PCDHGA12: variants seen among roughly 807,000 people sequenced by gnomAD.
PCDHGA12 encodes the protein protocadherin gamma subfamily A, 12.
In PCDHGA12, 43 loss-of-function variants were observed where a neutral mutation model predicts 61.1. That is an observed-to-expected ratio of 0.70 (90% CI 0.55 to 0.91). PCDHGA12 has a LOEUF of 0.91. PCDHGA12 is among the 40% of genes least tolerant of loss of function. PCDHGA12 has a pLI of 0.00. For synonymous variants in PCDHGA12, 520 were observed against 542.9 expected (o/e 0.96, Z 0.59); for missense variants, 1,236 against 1,227.7 (o/e 1.01, Z -0.10).
chr5:141,456,975 A>T (rs1240583336), intron 1 of PCDHGA12, among the ~76,000 whole-genome samples: 1 of 152,178 alleles, frequency 6.6e-6, no homozygotes, highest in East Asian at 1.9e-4. Flanking sequence ...AACAAAACAA[A>T]CAAACAAACA....
At chr5:141,510,845 C>T (rs2099883036) in intron 3 of PCDHGA12, 102 bp from the exon 4 acceptor site, 3 of 1,593,960 alleles carry the variant, frequency 1.9e-6, no homozygotes, top group Non-Finnish European at 2.6e-6. Context: ...TGGTCAAGGC[C>T]CAGGGTGCTG....
In PCDHGA12 at chr5:141,487,000, G is replaced by T. The variant is rs1410493699; in HGVS notation, c.2425-7807G>T. 2 of 1,614,076 alleles carry T rather than the reference G, an allele frequency of 1.2e-6. No homozygotes were observed. Among genetic ancestry groups the T allele is most frequent in the Non-Finnish European group, 1.7e-6 (2 of 1,180,044 alleles). On this transcript the variant is annotated intron_variant, in intron 1 of 3. Coordinates refer to ENST00000252085, the MANE Select transcript of PCDHGA12 (RefSeq NM_003735.3). The surrounding 1 kb of genome is among the most constrained non-coding windows in gnomAD (Gnocchi z 5.0). Reference sequence around the variant, plus strand: ...GTTACAATGCTTGGGTTTCCTATCAGCTCCTGGAGGCCCCAGATCCCAGCC... The same window carrying T: ...GTTACAATGCTTGGGTTTCCTATCATCTCCTGGAGGCCCCAGATCCCAGCC...
intron 2 of PCDHGA12, among the ~76,000 whole-genome samples, chr5:141,496,335 C>G (rs2099768099): frequency 1.3e-5 from 2 of 152,204 alleles, no homozygotes; most frequent in Admixed American, 6.5e-5. Flanking sequence ...AAGTCAGGAG[C>G]CTGGAGGAGT....
At chr5:141,500,436 C>G (rs1318326111) in intron 2 of PCDHGA12, among the ~76,000 whole-genome samples, 2 of 151,836 alleles carry the variant, frequency 1.3e-5, no homozygotes, top group African/African-American at 2.4e-5. Flanking sequence ...GTCTCGATCT[C>G]CTGACCTCGT....
chr5:141,499,932 C>A (rs1169727162), intron 2 of PCDHGA12, among the ~76,000 whole-genome samples: 1 of 152,076 alleles, frequency 6.6e-6, no homozygotes, highest in Non-Finnish European at 1.5e-5. Context: ...AAGTGATCCA[C>A]CCTCCTCGGC....
chr5:141,440,444 C>G (rs2098178389), intron 1 of PCDHGA12: 1 of 152,038 alleles, frequency 6.6e-6, no homozygotes, highest in Admixed American at 6.6e-5. Context: ...AAGGCGCCAT[C>G]TCAAAAAAAA....
rs200757040 is a variant in PCDHGA12, at chr5:141,431,080, C to T, written c.321C>T (p.Asp107=). 3 of 1,614,044 alleles carry T rather than the reference C, an allele frequency of 1.9e-6. No homozygotes were observed. The highest frequency in any genetic ancestry group is 2.5e-6 in the Non-Finnish European group (3 of 1,180,010). ...CCATCAAGTGTCAATTAAATCTAGA[C>T]ATTCTGATGGAGGATAAAGTGAAAA... ...MGAIKCQLNL[D]ILMEDKVKIY... The change falls in exon 1 of 4, where the codon GAC becomes GAT. Residue 107 remains aspartate (D), a synonymous_variant. Coordinates refer to ENST00000252085, the MANE Select transcript of PCDHGA12 (RefSeq NM_003735.3). This position sits in a 1 kb window ranked among gnomAD's most constrained non-coding sequence, Gnocchi z 4.8.
At position 141,485,293 on chromosome 5, in the gene PCDHGA12, G is replaced by A. The variant is rs1356836741; in HGVS notation, c.2425-9514G>A. On this transcript the variant is annotated intron_variant, in intron 1 of 3. Transcript: ENST00000252085. The surrounding 1 kb of genome is among the most constrained non-coding windows in gnomAD (Gnocchi z 5.7). ...GCTACCCGGTCCCAGAGGAGTCACA[G>A]GAAGGGACTTTTGTAGGGAATGTCG... 1 of 1,614,170 alleles carries A rather than the reference G, an allele frequency of 6.2e-7. No individual in the cohort carries two copies.
At position 141,432,325 on chromosome 5, in the gene PCDHGA12, C is replaced by A; in HGVS notation, c.1566C>A (p.Tyr522Ter). 6.2e-7 allele frequency: 1 copy of A among 1,614,260 alleles called. No individual in the cohort carries two copies. The highest frequency in any genetic ancestry group is 1.1e-5 in the South Asian group (1 of 91,092). The change falls in exon 1 of 4, where the codon TAC (tyrosine) becomes TAA (stop). Residue 522 changes from tyrosine to a stop codon, truncating the protein, a stop_gained. Transcript: ENST00000252085. LOFTEE classifies it high-confidence loss of function. The surrounding 1 kb of genome is among the most constrained non-coding windows in gnomAD (Gnocchi z 6.0). The stretch of plus-strand genomic sequence containing the variant: ...TGTATGCGCTGAGCTCCTTCGACTA[C>A]GAGCAGTTCCGAGACTTGCAAGTGA... ...GVLYALSSFD[Y>*]EQFRDLQVKV...
Position 141,487,910 on chromosome 5 carries a change from C to T in PCDHGA12, c.2425-6897C>T, listed in dbSNP as rs2099668803. The T allele has an allele frequency of 3.0e-6, 2 of 661,468 alleles. No individual in the cohort carries two copies. Among genetic ancestry groups the T allele is most frequent in the Non-Finnish European group, 5.1e-6 (2 of 388,904 alleles). The allele number at this position is 661,468 out of a possible 1,614,324, so 41.0% of individuals were successfully genotyped here. ...AGCATGATGATGGAATGTGGGAGCA[C>T]AGGAGGCTACAGTGCACAGGGTACA... On this transcript the variant is annotated intron_variant, in intron 1 of 3. Transcript: ENST00000252085. The surrounding 1 kb of genome is among the most constrained non-coding windows in gnomAD (Gnocchi z 5.0).
In PCDHGA12 at chr5:141,432,613, G is replaced by A. The variant is rs1461837957; in HGVS notation, c.1854G>A (p.Ser618=). 6.2e-7 allele frequency: 1 copy of A among 1,613,946 alleles called. No homozygotes were observed. The highest frequency in any genetic ancestry group is 1.3e-5 in the African/African-American group (1 of 75,056). Residue 618 remains serine, a synonymous_variant, in exon 1 of 4, where the codon TCG becomes TCA. Coordinates refer to ENST00000252085, the MANE Select transcript of PCDHGA12 (RefSeq NM_003735.3). The surrounding 1 kb of genome is among the most constrained non-coding windows in gnomAD (Gnocchi z 6.0). ...AGGCCAGCGAGCCGGGACTCTTCTC[G>A]GTGGGTCTGCACACGGGCGAGGTGC... ...LLKASEPGLF[S]VGLHTGEVRT...
chr5:141,487,771 T>C lies in PCDHGA12; in HGVS notation c.2425-7036T>C. The C allele has an allele frequency of 1.3e-6, 2 of 1,537,446 alleles. No homozygotes were observed. Among genetic ancestry groups the C allele is most frequent in the South Asian group, 2.4e-5 (2 of 82,456 alleles). ...ACTATGTGGTAGACGCTGTGCTTTGTAACTGTTTCGTGAATTAACCAGAGT... is the reference window on the plus strand; with the variant it reads ...ACTATGTGGTAGACGCTGTGCTTTGCAACTGTTTCGTGAATTAACCAGAGT... On this transcript the variant is annotated intron_variant, in intron 1 of 3. Coordinates refer to ENST00000252085, the MANE Select transcript of PCDHGA12 (RefSeq NM_003735.3). This position sits in a 1 kb window ranked among gnomAD's most constrained non-coding sequence, Gnocchi z 5.0.
intron 1 of PCDHGA12, chr5:141,479,399 T>C (rs2099494765): frequency 6.6e-6 from 1 of 152,576 alleles, no homozygotes; most frequent in African/African-American, 2.4e-5. Flanking sequence ...AGTTCTGGGC[T>C]GTGGTGCACT....
chr5:141,454,097 C>T (rs1021353610), intron 1 of PCDHGA12, among the ~76,000 whole-genome samples: 10 of 152,292 alleles, frequency 6.6e-5, no homozygotes, highest in Middle Eastern at 3.4e-3. Flanking sequence ...TTGAATTGAA[C>T]ATAAATGGAG....
chr5:141,488,656 G>A (rs2099678001), intron 1 of PCDHGA12, among the ~76,000 whole-genome samples: 1 of 152,200 alleles, frequency 6.6e-6, no homozygotes, highest in African/African-American at 2.4e-5. Flanking sequence ...ATGGGGGAGG[G>A]TGGGGGAATA....
At chr5:141,510,873 T>A in intron 3 of PCDHGA12, 74 bp from the exon 4 acceptor site, 1 of 1,609,964 alleles carries the variant, frequency 6.2e-7, no homozygotes, top group Non-Finnish European at 8.5e-7. Flanking sequence ...ATTCATTAAC[T>A]GCTGGGGATA....
rs2099701571 is a variant in PCDHGA12, at chr5:141,490,550, A to G, written c.2425-4257A>G. On this transcript the variant is annotated intron_variant, in intron 1 of 3. Coordinates refer to ENST00000252085, the MANE Select transcript of PCDHGA12 (RefSeq NM_003735.3). This position sits in a 1 kb window ranked among gnomAD's most constrained non-coding sequence, Gnocchi z 5.4. ...GCTGGTTCACCTTCCCTACACAAACATCTCACCATCAGGCTCAACATTTCA... is the reference window on the plus strand; with the variant it reads ...GCTGGTTCACCTTCCCTACACAAACGTCTCACCATCAGGCTCAACATTTCA... 1 of 1,614,092 alleles carries G rather than the reference A, an allele frequency of 6.2e-7. No individual in the cohort carries two copies.
chr5:141,432,746 G>T lies in PCDHGA12; in HGVS notation c.1987G>T (p.Ala663Ser), dbSNP rs772043134. The T allele has an allele frequency of 6.2e-7, 1 of 1,614,098 alleles. No individual in the cohort carries two copies. Among genetic ancestry groups the T allele is most frequent in the Non-Finnish European group, 8.5e-7 (1 of 1,179,992 alleles). Reference sequence around the variant, plus strand: ...CTCCGCCACTGTCACGCTCACCGTGGCCGTGGCCGACAGCATCCCCCAAGT... The same window carrying T: ...CTCCGCCACTGTCACGCTCACCGTGTCCGTGGCCGACAGCATCCCCCAAGT... ...PLSATVTLTV[A>S]VADSIPQVLA... The change falls in exon 1 of 4, where the codon GCC becomes TCC. Residue 663 changes from alanine (A) to serine (S), a missense_variant. Transcript: ENST00000252085. This position sits in a 1 kb window ranked among gnomAD's most constrained non-coding sequence, Gnocchi z 6.0.
At chr5:141,492,548 C>A (rs1028674110) in intron 1 of PCDHGA12, among the ~76,000 whole-genome samples, 1 of 152,218 alleles carries the variant, frequency 6.6e-6, no homozygotes, top group Non-Finnish European at 1.5e-5. Flanking sequence ...TGGGCCGGGT[C>A]GCCTGGGGGG....
Sources: gnomAD v4.1 joint callset for allele counts (sites outside exome capture counted in the v4.1 genomes callset) on GRCh38, gnomAD v4.1.1 for gene constraint, Gnocchi (gnomAD v3.1) non-coding constraint, MANE v1.5 for transcripts, NCBI Gene and HGNC (gene_info 2026-07-23, HGNC 2026-07-21) for gene names.